PDE1A: variants seen among roughly 807,000 people sequenced by gnomAD.
PDE1A encodes phosphodiesterase 1A.
PDE1A carries 35 observed loss-of-function variants against 61.7 expected under a neutral mutation model. The observed-to-expected ratio is 0.57, with a 90% CI of 0.43 to 0.75. The LOEUF (loss-of-function observed/expected upper bound fraction) is 0.75, where lower values mean the gene tolerates loss of function less well. Ranked by LOEUF, PDE1A falls within the 30% of genes least tolerant of loss-of-function variation. The pLI is 0.00. For synonymous variants in PDE1A, 232 were observed against 213.2 expected, an observed-to-expected ratio of 1.09 and a Z score of -0.77; for missense variants, 597 against 630.6, an observed-to-expected ratio of 0.95 and a Z score of 0.57.
intron 13 of PDE1A, among the ~76,000 whole-genome samples, chr2:182,149,828 A>G (rs1358540254): frequency 6.6e-6 from 1 of 152,276 alleles, no homozygotes; most frequent in Non-Finnish European, 1.5e-5. Flanking sequence ...CAAGGTTCCA[A>G]ATGGTTTTGA....
intron 1 of PDE1A, among the ~76,000 whole-genome samples, chr2:182,394,985 C>T (rs1010162806): frequency 1.1e-4 from 16 of 152,318 alleles, no homozygotes; most frequent in African/African-American, 3.6e-4. Context: ...TCTCCTGGTT[C>T]GTTGTGCAGA....
intron 13 of PDE1A, among the ~76,000 whole-genome samples, chr2:182,156,440 A>T (rs1297721061): frequency 5.3e-5 from 8 of 152,142 alleles, no homozygotes; most frequent in Non-Finnish European, 1.5e-5. Context: ...TACTAAGTTG[A>T]AGAGTTTGGT....
At position 182,396,157 on chromosome 2, in the gene PDE1A, C is replaced by G. The variant is rs13403996; in HGVS notation, c.53+30421G>C. Among the ~76,000 whole-genome samples the G allele has an allele frequency of 9.1e-3, 1,385 of 152,300 alleles. 21 individuals carry two copies. Among genetic ancestry groups the G allele is most frequent in the African/African-American group, 0.031 (1,295 of 41,562 alleles). ...CCCCGATGGCCTCATGTGGAGCTGA[C>G]AGAGGAAGAGAAGACTAAGGCCTGG... On this transcript the variant is annotated intron_variant, in intron 1 of 13. Coordinates refer to ENST00000351439, the Ensembl canonical transcript of PDE1A.
chr2:182,358,346 C>T (rs1036996833), intron 1 of PDE1A, among the ~76,000 whole-genome samples: 1 of 152,128 alleles, frequency 6.6e-6, no homozygotes, highest in Non-Finnish European at 1.5e-5. Context: ...CATGCCTTTT[C>T]TGATGCCCTT....
intron 13 of PDE1A, among the ~76,000 whole-genome samples, chr2:182,147,563 A>G (rs944588570): frequency 2.0e-5 from 3 of 152,226 alleles, no homozygotes; most frequent in African/African-American, 7.2e-5. Context: ...AAAAATGAGT[A>G]TGAAAGGATA....
the PDE1A span, among the ~76,000 whole-genome samples, chr2:182,571,614 T>G: frequency 0.062 from 9,437 of 152,060 alleles, 486 homozygotes; most frequent in African/African-American, 0.14. Context: ...ACTTTCCTGT[T>G]ATGTGAGAGC....
chr2:182,463,655 T>A (rs892490669), intron 2 of PDE1A: 1 of 152,200 alleles, frequency 6.6e-6, no homozygotes, highest in Non-Finnish European at 1.5e-5. Context: ...CACTCACATA[T>A]GGCTCTACGA....
the PDE1A span, among the ~76,000 whole-genome samples, chr2:182,691,435 T>C: frequency 6.6e-6 from 1 of 152,184 alleles, no homozygotes; most frequent in Non-Finnish European, 1.5e-5. Context: ...AGGGAAAGTA[T>C]TCTCTAGTTA....
chr2:182,683,101 T>C, the PDE1A span, among the ~76,000 whole-genome samples: 7 of 151,704 alleles, frequency 4.6e-5, no homozygotes, highest in Non-Finnish European at 8.8e-5. Flanking sequence ...TTTTCTTTTT[T>C]TTTTTTTTTG....
chr2:182,345,526 G>A (rs572855340), intron 1 of PDE1A, among the ~76,000 whole-genome samples: 4 of 152,032 alleles, frequency 2.6e-5, no homozygotes, highest in South Asian at 2.1e-4. Flanking sequence ...TTGCTAATAC[G>A]ACTTAAGAGA....
At chr2:182,360,405 T>C (rs1185742463) in intron 1 of PDE1A, among the ~76,000 whole-genome samples, 1 of 152,044 alleles carries the variant, frequency 6.6e-6, no homozygotes, top group Non-Finnish European at 1.5e-5. Flanking sequence ...TATAGTATAC[T>C]TAGGAAGTCA....
chr2:182,546,337 A>G, the PDE1A span, among the ~76,000 whole-genome samples: 1 of 152,022 alleles, frequency 6.6e-6, no homozygotes, highest in African/African-American at 2.4e-5. Context: ...GCTTATATCC[A>G]TTCCAAGAGA....
Position 182,387,766 on chromosome 2 carries a change from AAAAG to A in PDE1A, c.53+38808_53+38811del, listed in dbSNP as rs199871324. On this transcript the variant is annotated intron_variant, in intron 1 of 13. Transcript: ENST00000351439. ...GAGTAAAACTCCATCTTAAAAAAAA[AAAAG>A]AAAGAAAAAAGAAAGAAAGAATCAC... Among the ~76,000 whole-genome samples the A allele has an allele frequency of 0.05, 7,571 of 150,108 alleles. 258 individuals are homozygous for A. Among genetic ancestry groups the A allele is most frequent in the Non-Finnish European group, 0.076 (5,165 of 67,910 alleles).
chr2:182,390,729 G>C (rs1000543801), intron 1 of PDE1A, among the ~76,000 whole-genome samples: 2 of 152,222 alleles, frequency 1.3e-5, no homozygotes, highest in Admixed American at 1.3e-4. Flanking sequence ...TGAGGGCATT[G>C]ATTGGAAAAG....
At chr2:182,329,429 G>A (rs1574365331) in intron 1 of PDE1A, among the ~76,000 whole-genome samples, 1 of 151,748 alleles carries the variant, frequency 6.6e-6, no homozygotes, top group East Asian at 1.9e-4. Context: ...CACTCTAGTT[G>A]CCCAAGGTGG....
the PDE1A span, among the ~76,000 whole-genome samples, chr2:182,607,816 AC>A: frequency 6.6e-6 from 1 of 152,226 alleles, no homozygotes; most frequent in East Asian, 1.9e-4. Flanking sequence ...TGGGAACGGC[AC>A]CTGTGGAAGG....
In PDE1A at chr2:182,295,093, A is replaced by C. The variant is rs1694793265; in HGVS notation, c.54-30679T>G. 8.9e-5 allele frequency among the ~76,000 whole-genome samples: 4 copies of C among 44,998 alleles called. No homozygotes were observed. In the South Asian group the frequency reaches 3.1e-3, roughly 35 times the overall value. 29.5% of individuals were successfully genotyped at this position (44,998 alleles called of 152,430 possible). ...TTTTTTTTTTTTTTTTTTGAGATGG[A>C]GTCTCGCTCTGTCGCCCAGGCCAGA... is the stretch of plus-strand genomic sequence containing the variant. On this transcript the variant is annotated intron_variant, in intron 1 of 13. Transcript: ENST00000351439.
upstream of PDE1A, among the ~76,000 whole-genome samples, chr2:182,429,928 T>C (rs368421401): frequency 4.6e-5 from 7 of 152,196 alleles, no homozygotes; most frequent in African/African-American, 1.7e-4. Flanking sequence ...CACGTAAGTC[T>C]AGTCAAATAG....
exon 2 of PDE1A, chr2:182,264,372 G>A (rs748114714): frequency 2.0e-5 from 32 of 1,613,446 alleles, no homozygotes; most frequent in South Asian, 6.6e-5. Context: ...AGTCGACGAC[G>A]TTAACATCAC....
Sources: gnomAD v4.1 joint callset for allele counts (sites outside exome capture counted in the v4.1 genomes callset) on GRCh38, gnomAD v4.1.1 for gene constraint, MANE v1.5 for transcripts, NCBI Gene and HGNC (gene_info 2026-07-23, HGNC 2026-07-21) for gene names.